NUP210: variants seen among roughly 807,000 people sequenced by gnomAD.
NUP210 encodes the protein nuclear pore membrane glycoprotein 210.
NUP210 carries 151 observed loss-of-function variants against 196.0 expected under a neutral mutation model. That is an observed-to-expected ratio of 0.77 (90% CI 0.67 to 0.88). The LOEUF is 0.88. Among genes scored for constraint, NUP210 ranks in the 40% least tolerant of loss-of-function variants. The pLI is 0.00. For missense variants in NUP210, 2,314 were observed against 2,493.7 expected (o/e 0.93, Z 1.53); for synonymous variants, 1,070 against 1,052.7 (o/e 1.02, Z -0.32).
rs79161647 is a variant in NUP210, at chr3:13,325,201, C to T, written c.4644+594G>A. 9.8e-3 allele frequency among the ~76,000 whole-genome samples: 1,494 copies of T among 152,328 alleles called. 28 individuals are homozygous for T. The highest frequency in any genetic ancestry group is 0.034 in the African/African-American group (1,418 of 41,552). On this transcript the variant is annotated intron_variant, in intron 33 of 39. Coordinates refer to ENST00000254508, the MANE Select transcript of NUP210 (RefSeq NM_024923.4). The stretch of plus-strand genomic sequence containing the variant: ...CCACCCCATCCCCTGACCAGAGGCT[C>T]TTTCCAGGAGAGCACAGCTGTATTG...
In NUP210 at chr3:13,323,162, G is replaced by A; in HGVS notation, c.4768+147C>T. 2 of 940,424 alleles carry A rather than the reference G, an allele frequency of 2.1e-6. No individual in the cohort carries two copies. Among genetic ancestry groups the A allele is most frequent in the Non-Finnish European group, 3.2e-6 (2 of 630,660 alleles). The allele number at this position is 940,424 out of a possible 1,614,324, so 58.3% of individuals were successfully genotyped here. A position where few individuals can be genotyped will look rare whatever the true frequency, so the allele number is the denominator to read the frequency against. ...GACTCCAATTTCAGAAACGCTGGAA[G>A]GAGTGGATGAGTGGGGGCTAAATGC... On this transcript the variant is annotated intron_variant, in intron 34 of 39. Transcript: ENST00000254508. This position sits in a 1 kb window ranked among gnomAD's most constrained non-coding sequence, Gnocchi z 4.3.
In NUP210 at chr3:13,358,413, A is replaced by G; in HGVS notation, c.2155-18T>C. 1.3e-6 allele frequency: 2 copies of G among 1,595,638 alleles called. No homozygotes were observed. The highest frequency in any genetic ancestry group is 1.7e-6 in the Non-Finnish European group (2 of 1,168,168). On this transcript the variant is annotated intron_variant, in intron 15 of 39. Transcript: ENST00000254508. ...GCGATGACCTGGTAGGGCACAGTGA[A>G]CAGTCAGACCCCCAAGCTTGAGTTC...
In NUP210 at chr3:13,330,624, C is replaced by T; in HGVS notation, c.3946G>A (p.Ala1316Thr). ...TCCAGGACGCGGTAGCTCAGAGAGG[C>T]TGCACCATCCCTTTGGAAAACAAAA... ...IKLQTNRDGA[A>T]SLSYRVLDGP... The change falls in exon 30 of 40, where the codon GCC (alanine) becomes ACC (threonine). Residue 1316 changes from alanine (A) to threonine (T), a missense_variant. Physicochemically the swap from Ala to Thr is moderately conservative, Grantham distance 58 (BLOSUM62 0). Transcript: ENST00000254508. 3.1e-6 allele frequency: 5 copies of T among 1,613,808 alleles called. No individual in the cohort carries two copies. The highest frequency in any genetic ancestry group is 1.1e-5 in the South Asian group (1 of 91,014).
chr3:13,368,431 G>A (rs1252207940), intron 13 of NUP210, among the ~76,000 whole-genome samples: 1 of 152,162 alleles, frequency 6.6e-6, no homozygotes, highest in East Asian at 1.9e-4. Flanking sequence ...ATACAACTAA[G>A]ATAAAATTTC....
At chr3:13,367,627 C>A (rs868813767) in intron 13 of NUP210, among the ~76,000 whole-genome samples, 7 of 152,146 alleles carry the variant, frequency 4.6e-5, no homozygotes, top group African/African-American at 1.7e-4. Flanking sequence ...CGCCTACCAG[C>A]ACAACTGAAT....
In NUP210 at chr3:13,420,202, G is replaced by A. The variant is rs548977981; in HGVS notation, c.25C>T (p.Leu9=). The stretch of plus-strand genomic sequence containing the variant: ...AACAGCACCGACAGCGTCAGCAGCA[G>A]CAGCCCCCGGCCCCGCGCCGCCATC... The part of the protein sequence containing the change: MAARGRGL[L]LLTLSVLLAA... Residue 9 remains leucine (L), a synonymous_variant, in exon 1 of 40, where the codon CTG becomes TTG. Coordinates refer to ENST00000254508, the MANE Select transcript of NUP210 (RefSeq NM_024923.4). The surrounding 1 kb of genome is among the most constrained non-coding windows in gnomAD (Gnocchi z 4.8). 135 of 1,194,216 alleles carry A rather than the reference G, an allele frequency of 1.1e-4. No homozygotes were observed. The highest frequency in any genetic ancestry group is 4.0e-5 in the East Asian group (1 of 25,196). The allele number at this position is 1,194,216 out of a possible 1,614,324, so 74.0% of individuals were successfully genotyped here.
chr3:13,411,827 G>A (rs576389783), intron 1 of NUP210, among the ~76,000 whole-genome samples: 31 of 152,136 alleles, frequency 2.0e-4, no homozygotes, highest in African/African-American at 7.5e-4. Context: ...TGCCACCTCC[G>A]CCTCCCGGGT....
intron 9 of NUP210, among the ~76,000 whole-genome samples, 179 bp from the exon 10 acceptor site, chr3:13,376,610 T>C (rs1698919456): frequency 6.6e-6 from 1 of 152,100 alleles, no homozygotes; most frequent in South Asian, 2.1e-4. Context: ...AGAGGTCTGA[T>C]CACTATGGCC....
At position 13,323,399 on chromosome 3, in the gene NUP210, G is replaced by C; in HGVS notation, c.4678C>G (p.Arg1560Gly). 2 of 1,614,090 alleles carry C rather than the reference G, an allele frequency of 1.2e-6. No individual in the cohort carries two copies. The highest frequency in any genetic ancestry group is 1.7e-6 in the Non-Finnish European group (2 of 1,179,986). ...VVSVPQRIMARHLHPIQTSFQ... is the reference protein window; with the variant it reads ...VVSVPQRIMAGHLHPIQTSFQ... ...CTGGTCTGGATGGGGTGGAGGTGAC[G>C]GGCCATGATCCTCTGAGGGACGCTG... is the stretch of plus-strand genomic sequence containing the variant. Residue 1560 changes from arginine (R) to glycine (G), a missense_variant, in exon 34 of 40, where the codon CGT becomes GGT. Coordinates refer to ENST00000254508, the MANE Select transcript of NUP210 (RefSeq NM_024923.4). This position sits in a 1 kb window ranked among gnomAD's most constrained non-coding sequence, Gnocchi z 4.3.
At chr3:13,399,046 AT>A (rs1334329939) in intron 2 of NUP210, among the ~76,000 whole-genome samples, 1 of 152,132 alleles carries the variant, frequency 6.6e-6, no homozygotes, top group African/African-American at 2.4e-5. Flanking sequence ...AGGTGGGTGG[AT>A]CATGAGGTCA....
At chr3:13,346,652 C>A (rs1458882772) in intron 20 of NUP210, among the ~76,000 whole-genome samples, 1 of 152,202 alleles carries the variant, frequency 6.6e-6, no homozygotes, top group Admixed American at 6.5e-5. Context: ...CCCACATCAT[C>A]TCGGTCCCCG....
chr3:13,401,183 C>T (rs567868791), intron 1 of NUP210, among the ~76,000 whole-genome samples: 252 of 2,074 alleles, frequency 0.12, 3 homozygotes, highest in African/African-American at 0.33. Context: ...CGCTTGAACC[C>T]GGCAGGCGGA....
rs765986298 is a variant in NUP210 at position 13,341,877 on chromosome 3, A to G, written c.3099T>C (p.Leu1033=). ...TGGTGTAGTTGTCAAGGGCTTCATC[A>G]AGGGCCCTGAAACAGAGGGAAGGGC... ...AASPIITLVA[L]DEALDNYTIT... The change falls in exon 23 of 40, where the codon CTT becomes CTC. Residue 1033 remains leucine, a synonymous_variant. Transcript: ENST00000254508. The G allele has an allele frequency of 1.1e-5, 18 of 1,614,176 alleles. No homozygotes were observed. In the South Asian group the frequency reaches 1.9e-4, roughly 17 times the overall value.
chr3:13,373,695 G>T, intron 12 of NUP210, 23 bp downstream of exon 12: 3 of 1,612,592 alleles, frequency 1.9e-6, no homozygotes, highest in Middle Eastern at 3.3e-4. Context: ...CTCCCAGGGG[G>T]TGTCTTGGCC....
intron 4 of NUP210, 94 bp from the exon 5 acceptor site, chr3:13,388,547 C>T: frequency 7.6e-7 from 1 of 1,310,850 alleles, no homozygotes; most frequent in African/African-American, 1.5e-5. Context: ...GTACCTCCCA[C>T]TGGGGCTGAT....
chr3:13,358,215 C>T lies in NUP210; in HGVS notation c.2328+7G>A. 9 of 1,596,972 alleles carry T rather than the reference C, an allele frequency of 5.6e-6. No homozygotes were observed. The highest frequency in any genetic ancestry group is 7.7e-6 in the Non-Finnish European group (9 of 1,168,714). Reference sequence around the variant, plus strand: ...CTCACCTCCTCCCGAGCATAGCCCACACTCACCACCTGCTTGTTCTGCTGC... The same window carrying T: ...CTCACCTCCTCCCGAGCATAGCCCATACTCACCACCTGCTTGTTCTGCTGC... On this transcript the variant is annotated splice_region_variant and intron_variant, in intron 16 of 39. Coordinates refer to ENST00000254508, the MANE Select transcript of NUP210 (RefSeq NM_024923.4).
chr3:13,399,641 G>A, intron 2 of NUP210, 84 bp downstream of exon 2: 1 of 1,580,398 alleles, frequency 6.3e-7, no homozygotes, highest in Non-Finnish European at 8.6e-7. Context: ...ATGGGCTCAG[G>A]TAGCCTCTAG....
intron 13 of NUP210, among the ~76,000 whole-genome samples, chr3:13,368,913 G>A (rs1315239794): frequency 6.6e-6 from 1 of 152,146 alleles, no homozygotes; most frequent in East Asian, 1.9e-4. Context: ...TACCTCTTTC[G>A]GATCGTACTT....
Position 13,322,244 on chromosome 3 carries a change from A to G in NUP210, c.4864T>C (p.Phe1622Leu). The change falls in exon 35 of 40, where the codon TTC (phenylalanine) becomes CTC (leucine). Residue 1622 changes from phenylalanine (F) to leucine (L), a missense_variant. Coordinates refer to ENST00000254508, the MANE Select transcript of NUP210 (RefSeq NM_024923.4). Reference sequence around the variant, plus strand: ...ACGGTGAACACATCTTGAGATGGGAAATCAAAGACGGCCGGCTTGAACTGG... The same window carrying G: ...ACGGTGAACACATCTTGAGATGGGAGATCAAAGACGGCCGGCTTGAACTGG... Reference protein sequence around the residue: ...QSQFKPAVFDFPSQDVFTVEP... With the variant: ...QSQFKPAVFDLPSQDVFTVEP... 1 of 1,614,234 alleles carries G rather than the reference A, an allele frequency of 6.2e-7. No homozygotes were observed. The highest frequency in any genetic ancestry group is 1.3e-5 in the African/African-American group (1 of 75,066).
Sources: allele counts gnomAD v4.1 joint callset (sites outside exome capture counted in the v4.1 genomes callset), GRCh38; gene constraint gnomAD v4.1.1; non-coding constraint Gnocchi (gnomAD v3.1); transcripts MANE v1.5; gene names NCBI Gene and HGNC (gene_info 2026-07-23, HGNC 2026-07-21).